ANKS1B: variants seen among roughly 807,000 people sequenced by gnomAD.
The protein encoded by ANKS1B is ankyrin repeat and sterile alpha motif domain-containing protein 1B.
ANKS1B carries 36 observed loss-of-function variants against 148.3 expected under a neutral mutation model. The observed-to-expected ratio is 0.24, with a 90% CI of 0.19 to 0.32. The LOEUF is 0.32. Ranked by LOEUF, ANKS1B falls within the 10% of genes least tolerant of loss-of-function variation. The pLI is 1.00. For synonymous variants in ANKS1B, 542 were observed against 560.8 expected (o/e 0.97, Z 0.47); for missense variants, 1,157 against 1,542.6 (o/e 0.75, Z 4.19).
At position 99,007,692 on chromosome 12, in the gene ANKS1B, G is replaced by A. The variant is rs564173006; in HGVS notation, c.2778+45465C>T. On this transcript the variant is annotated intron_variant, in intron 17 of 26. Coordinates refer to ENST00000683438, the MANE Select transcript of ANKS1B (RefSeq NM_001352186.2). The stretch of plus-strand genomic sequence containing the variant: ...TGCTTAGGGGTAACTCTTTCACCTT[G>A]GAGAGTGGTGTGGGAATGTTCTTGT... Among the ~76,000 whole-genome samples, 6 of 152,228 alleles carry A rather than the reference G, an allele frequency of 3.9e-5. No homozygotes were observed. The South Asian group carries it at 1.2e-3, about 32-fold the overall frequency.
chr12:98,859,817 CT>C lies in ANKS1B; in HGVS notation c.2779-27682del, dbSNP rs2099589560. Among the ~76,000 whole-genome samples, 7 of 152,164 alleles carry C rather than the reference CT, an allele frequency of 4.6e-5. No homozygotes were observed. The South Asian group carries it at 1.5e-3, about 32-fold the overall frequency. On this transcript the variant is annotated intron_variant, in intron 17 of 26. Transcript: ENST00000683438. ...TGGGAAAGCTCTCTAAATTTTTGGC[CT>C]TTTGGGAGGGAGGCTTTTCAGTCTT...
intron 9 of ANKS1B, among the ~76,000 whole-genome samples, chr12:99,576,536 C>T (rs2097522084): frequency 6.6e-6 from 1 of 152,098 alleles, no homozygotes; most frequent in Non-Finnish European, 1.5e-5. Context: ...CAATCACACT[C>T]TTGGACCACA....
intron 14 of ANKS1B, among the ~76,000 whole-genome samples, chr12:99,191,314 A>T (rs1281529865): frequency 6.6e-6 from 1 of 152,228 alleles, no homozygotes; most frequent in African/African-American, 2.4e-5. Context: ...AGAACCAGAA[A>T]TACCATTTGA....
Position 99,883,578 on chromosome 12 carries a change from C to G in ANKS1B, c.135-58189G>C, listed in dbSNP as rs185653721. The stretch of plus-strand genomic sequence containing the variant: ...TAAAACTCTTGCTCTGCCAAAGACC[C>G]TGTAAAGACCATGAAAAGACAAGGC... On this transcript the variant is annotated intron_variant, in intron 1 of 26. Coordinates refer to ENST00000683438, the MANE Select transcript of ANKS1B (RefSeq NM_001352186.2). Among the ~76,000 whole-genome samples, 1,091 of 151,552 alleles carry G rather than the reference C, an allele frequency of 7.2e-3. 11 individuals carry two copies. The highest frequency in any genetic ancestry group is 0.025 in the African/African-American group (1,039 of 41,216).
At chr12:99,558,459 G>C (rs563123814) in intron 9 of ANKS1B, among the ~76,000 whole-genome samples, 4 of 152,230 alleles carry the variant, frequency 2.6e-5, no homozygotes, top group East Asian at 3.9e-4. Context: ...GTGTGTCAAG[G>C]GGGGAGGGGA....
At chr12:99,116,848 CATTT>C (rs1174570982) in intron 15 of ANKS1B, among the ~76,000 whole-genome samples, 1 of 152,100 alleles carries the variant, frequency 6.6e-6, no homozygotes, top group Non-Finnish European at 1.5e-5. Context: ...AATGCTTTTC[CATTT>C]GTTTGTGTCC....
intron 17 of ANKS1B, among the ~76,000 whole-genome samples, chr12:98,979,272 A>G (rs888463312): frequency 6.6e-6 from 1 of 150,588 alleles, no homozygotes; most frequent in Non-Finnish European, 1.5e-5. Flanking sequence ...TTTTTAATTA[A>G]TTAATTTTTT....
At chr12:99,934,807 T>C (rs2094717112) in intron 1 of ANKS1B, among the ~76,000 whole-genome samples, 1 of 152,050 alleles carries the variant, frequency 6.6e-6, no homozygotes, top group Non-Finnish European at 1.5e-5. Context: ...CATCTCACAA[T>C]GAAGAGAGGA....
chr12:98,902,797 C>T (rs2099773899), intron 17 of ANKS1B, among the ~76,000 whole-genome samples: 1 of 152,254 alleles, frequency 6.6e-6, no homozygotes, highest in South Asian at 2.1e-4. Flanking sequence ...ATTATTCAAC[C>T]AGAGAATCAA....
At chr12:99,150,520 A>T (rs78291563) in intron 15 of ANKS1B, among the ~76,000 whole-genome samples, 2 of 152,096 alleles carry the variant, frequency 1.3e-5, no homozygotes, top group Admixed American at 1.3e-4. Flanking sequence ...GCAGGGAAGG[A>T]AAGGAAATGT....
At chr12:99,298,117 C>G (rs2081143421) in intron 12 of ANKS1B, among the ~76,000 whole-genome samples, 1 of 152,142 alleles carries the variant, frequency 6.6e-6, no homozygotes, top group African/African-American at 2.4e-5. Flanking sequence ...TGTCAGATGT[C>G]TGTACATGTC....
intron 15 of ANKS1B, among the ~76,000 whole-genome samples, chr12:99,088,058 T>C (rs1188495971): frequency 6.6e-6 from 1 of 152,196 alleles, no homozygotes; most frequent in Non-Finnish European, 1.5e-5. Context: ...GCCAAACATT[T>C]TTGAAAAATG....
chr12:99,006,466 A>G (rs1460293078), intron 17 of ANKS1B, among the ~76,000 whole-genome samples: 1 of 152,184 alleles, frequency 6.6e-6, no homozygotes, highest in South Asian at 2.1e-4. Context: ...CTGTCTCCTC[A>G]TTCCTATAAA....
In ANKS1B at chr12:99,053,077, C is replaced by G; in HGVS notation, c.2778+80G>C. The G allele has an allele frequency of 2.3e-6, 3 of 1,324,752 alleles. No individual in the cohort carries two copies. In the South Asian group the frequency reaches 5.1e-5, roughly 23 times the overall value. 82.1% of individuals were successfully genotyped at this position (1,324,752 alleles called of 1,614,324 possible). A position where few individuals can be genotyped will look rare whatever the true frequency, so the allele number is the denominator to read the frequency against. ...TATCTATAAATCCCCATTGGATGTC[C>G]AAACACTTATAAAAAAAGAAAATTA... is the stretch of plus-strand genomic sequence containing the variant. On this transcript the variant is annotated intron_variant, in intron 17 of 26. Coordinates refer to ENST00000683438, the MANE Select transcript of ANKS1B (RefSeq NM_001352186.2).
chr12:99,312,218 A>AT (rs1002822582), intron 12 of ANKS1B, among the ~76,000 whole-genome samples: 8 of 152,154 alleles, frequency 5.3e-5, no homozygotes, highest in Non-Finnish European at 1.0e-4. Context: ...AGGAGTCTTG[A>AT]TTTTAAAAGA....
intron 14 of ANKS1B, among the ~76,000 whole-genome samples, chr12:99,222,317 C>A (rs146570048): frequency 6.6e-6 from 1 of 152,102 alleles, no homozygotes; most frequent in African/African-American, 2.4e-5. Flanking sequence ...TACTTTCTTA[C>A]ATTAAAACTC....
chr12:99,647,951 G>T, intron 9 of ANKS1B: 1 of 602,204 alleles, frequency 1.7e-6, no homozygotes, highest in Non-Finnish European at 2.8e-6. Context: ...GCACTAAGCA[G>T]GGCACAGTCT....
In ANKS1B at chr12:99,053,247, A is replaced by G. The variant is rs767788571; in HGVS notation, c.2688T>C (p.Ile896=). Residue 896 remains isoleucine, a synonymous_variant, in exon 17 of 27, where the codon ATT becomes ATC. Transcript: ENST00000683438. The part of the protein sequence containing the change: ...PTSVAEWLDS[I]ELGDYTKAFL... ...AGGCTTTGGTGTAGTCGCCCAGTTC[A>G]ATGGAATCCAGCCACTCAGCTACAG... is the stretch of plus-strand genomic sequence containing the variant. The G allele has an allele frequency of 6.8e-6, 11 of 1,611,884 alleles. No homozygotes were observed. The highest frequency in any genetic ancestry group is 1.6e-4 in the Middle Eastern group (1 of 6,062).
At chr12:99,721,157 C>T (rs1004815027) in intron 8 of ANKS1B, among the ~76,000 whole-genome samples, 7 of 152,164 alleles carry the variant, frequency 4.6e-5, no homozygotes, top group Non-Finnish European at 8.8e-5. Flanking sequence ...ACAAAATCTT[C>T]CTTCAGCTTA....
Sources: gnomAD v4.1 joint callset for allele counts (sites outside exome capture counted in the v4.1 genomes callset) on GRCh38, gnomAD v4.1.1 for gene constraint, MANE v1.5 for transcripts, NCBI Gene and HGNC (gene_info 2026-07-23, HGNC 2026-07-21) for gene names.